The following ZNF721 variants were observed in gnomAD, a reference collection of about 807,000 sequenced individuals.
ZNF721 encodes the protein zinc finger protein 721.
ZNF721 carries 2 observed loss-of-function variants against 2.4 expected under a neutral mutation model. That is an observed-to-expected ratio of 0.82 (90% CI 0.34 to 2.58). The LOEUF (loss-of-function observed/expected upper bound fraction) is 2.58, where lower values mean the gene tolerates loss of function less well. ZNF721 is among the 30% of genes most tolerant of loss of function. The pLI is 0.11. For missense variants in ZNF721, 1,187 were observed against 1,085.5 expected, an observed-to-expected ratio of 1.09 and a Z score of -1.31; for synonymous variants, 398 against 381.8, an observed-to-expected ratio of 1.04 and a Z score of -0.50.
At chr4:473,144 A>G (rs1715491734) in intron 1 of ZNF721, among the ~76,000 whole-genome samples, 2 of 152,196 alleles carry the variant, frequency 1.3e-5, no homozygotes, top group African/African-American at 2.4e-5. Context: ...GACTGGGCTG[A>G]GAGTCACTTA....
At chr4:480,744 G>A (rs782169985) in intron 1 of ZNF721, among the ~76,000 whole-genome samples, 1 of 145,934 alleles carries the variant, frequency 6.9e-6, no homozygotes, top group Admixed American at 6.9e-5. Context: ...AGGTAGAGCC[G>A]TATTCCACTG....
In ZNF721 at chr4:451,458, A is replaced by C. The variant is rs774193847; in HGVS notation, c.35-7026T>G. 5.7e-4 allele frequency among the ~76,000 whole-genome samples: 86 copies of C among 152,188 alleles called. 1 individual carries two copies. Among genetic ancestry groups the C allele is most frequent in the Non-Finnish European group, 1.1e-3 (76 of 68,038 alleles). On this transcript the variant is annotated intron_variant, in intron 2 of 2. Transcript: ENST00000511833. ...TCATTACAAAAATAGCTAGGGTCTC[A>C]TAGCATGACGAAGCTTCATGAGACC...
chr4:477,656 T>A (rs1414841899), intron 1 of ZNF721, among the ~76,000 whole-genome samples: 1 of 151,984 alleles, frequency 6.6e-6, no homozygotes, highest in Non-Finnish European at 1.5e-5. Flanking sequence ...AGCCGATAGT[T>A]TAAAATGAGC....
intron 1 of ZNF721, among the ~76,000 whole-genome samples, chr4:485,643 T>C (rs1715874947): frequency 6.6e-6 from 1 of 152,226 alleles, no homozygotes; most frequent in Non-Finnish European, 1.5e-5. Context: ...TTGCATATTG[T>C]AATCACCTGG....
At position 475,953 on chromosome 4, in the gene ZNF721, TTGAC is replaced by T. The variant is rs1180853433; in HGVS notation, c.-93-3256_-93-3253del. ...AATTCCAGAATCCATGTGGGTGTAT[TTGAC>T]TGAGCACAATGCAACACAAACAGCA... On this transcript the variant is annotated intron_variant, in intron 1 of 2. Coordinates refer to ENST00000511833, the MANE Select transcript of ZNF721 (RefSeq NM_133474.4). Among the ~76,000 whole-genome samples the T allele has an allele frequency of 1.8e-4, 28 of 152,366 alleles. No homozygotes were observed. The South Asian group carries it at 2.5e-3, about 14-fold the overall frequency.
chr4:492,803 A>C (rs1451395696), intron 1 of ZNF721, among the ~76,000 whole-genome samples: 1 of 149,118 alleles, frequency 6.7e-6, no homozygotes, highest in Non-Finnish European at 1.5e-5. Context: ...AAAAAAAAAA[A>C]CAAAAAACCT....
intron 1 of ZNF721, among the ~76,000 whole-genome samples, chr4:495,572 T>G (rs1716130993): frequency 6.6e-6 from 1 of 151,738 alleles, no homozygotes; most frequent in South Asian, 2.1e-4. Context: ...AAAATAATCT[T>G]TGTGTGGCAA....
intron 1 of ZNF721, among the ~76,000 whole-genome samples, chr4:498,062 G>A (rs1343147542): frequency 6.6e-6 from 1 of 151,658 alleles, no homozygotes; most frequent in African/African-American, 2.4e-5. Context: ...AAAATTAGCC[G>A]TGCGTGGTGG....
intron 1 of ZNF721, among the ~76,000 whole-genome samples, chr4:473,026 C>T (rs1553868005): frequency 6.6e-6 from 1 of 152,036 alleles, no homozygotes; most frequent in East Asian, 1.9e-4. Flanking sequence ...CTTGGCCTTG[C>T]TATAATATGC....
rs1714343708 is a variant in ZNF721, at chr4:443,400, G to C, written c.1067C>G (p.Thr356Ser). ...TTCGCATTTGTAAGGTTTCTCTCCA[G>C]TATGAATTCTCCTATGTACGTAAAG... Reference protein sequence around the residue: ...ANLYVHRRIHTGEKPYKCEDC... With the variant: ...ANLYVHRRIHSGEKPYKCEDC... The change falls in exon 3 of 3, where the codon ACT (threonine) becomes AGT (serine). Residue 356 changes from threonine to serine, a missense_variant. Transcript: ENST00000511833. The C allele has an allele frequency of 1.9e-6, 3 of 1,613,052 alleles. No individual in the cohort carries two copies. The highest frequency in any genetic ancestry group is 2.5e-6 in the Non-Finnish European group (3 of 1,179,168).
At chr4:476,287 T>C (rs782724457) in intron 1 of ZNF721, among the ~76,000 whole-genome samples, 6 of 152,224 alleles carry the variant, frequency 3.9e-5, no homozygotes, top group Non-Finnish European at 8.8e-5. Context: ...TAATCACCCA[T>C]GTCTGGCTCC....
At chr4:496,335 GCA>G (rs1716152122) in intron 1 of ZNF721, among the ~76,000 whole-genome samples, 1 of 152,114 alleles carries the variant, frequency 6.6e-6, no homozygotes, top group South Asian at 2.1e-4. Context: ...TGGCCACCTG[GCA>G]CAGTGTCAGA....
In ZNF721 at chr4:451,271, C is replaced by T. The variant is rs192255299; in HGVS notation, c.35-6839G>A. Among the ~76,000 whole-genome samples the T allele has an allele frequency of 1.2e-4, 19 of 152,206 alleles. No individual in the cohort carries two copies. The East Asian group carries it at 1.4e-3, about 11-fold the overall frequency. On this transcript the variant is annotated intron_variant, in intron 2 of 2. Coordinates refer to ENST00000511833, the MANE Select transcript of ZNF721 (RefSeq NM_133474.4). ...CAAACAGGTTGTGTGAGCCCCTTGA[C>T]GTCTTCAGCCAGCACTGTTTTGAAG...
At chr4:498,427 G>A (rs1716410707) in intron 1 of ZNF721, among the ~76,000 whole-genome samples, 1 of 152,076 alleles carries the variant, frequency 6.6e-6, no homozygotes, top group Admixed American at 6.5e-5. Context: ...ATGGGAGGCA[G>A]GTTTGTCCTG....
intron 2 of ZNF721, among the ~76,000 whole-genome samples, chr4:458,041 G>T (rs1553865596): frequency 6.6e-6 from 1 of 152,222 alleles, no homozygotes; most frequent in Non-Finnish European, 1.5e-5. Flanking sequence ...CTGTGATCAA[G>T]GGTCAGTACT....
rs1375350441 is a variant in ZNF721 at position 441,336 on chromosome 4, ATG to A, written c.*357_*358del. 1 of 179,864 alleles carries A rather than the reference ATG, an allele frequency of 5.6e-6. No individual in the cohort carries two copies. Among genetic ancestry groups the A allele is most frequent in the Non-Finnish European group, 1.2e-5 (1 of 85,352 alleles). 11.1% of individuals were successfully genotyped at this position (179,864 alleles called of 1,614,324 possible). ...CATATAAATACTATCATGTGCAAAA[ATG>A]CTAAGCATTGGTTACAAGTTTTGCC... On this transcript the variant is annotated 3_prime_UTR_variant, in exon 3 of 3. Coordinates refer to ENST00000511833, the MANE Select transcript of ZNF721 (RefSeq NM_133474.4).
At chr4:457,617 A>G (rs77854049) in intron 2 of ZNF721, among the ~76,000 whole-genome samples, 1 of 152,300 alleles carries the variant, frequency 6.6e-6, no homozygotes, top group East Asian at 1.9e-4. Context: ...CCCTTTGCAC[A>G]TATCAGTCAT....
rs782713654 is a variant in ZNF721 at position 472,684 on chromosome 4, C to A, written c.-76G>T. 1.8e-5 allele frequency: 29 copies of A among 1,612,430 alleles called. No homozygotes were observed. The Admixed American group carries it at 2.5e-4, about 14-fold the overall frequency. Reference sequence around the variant, plus strand: ...CTGGAGAGAATTCTATGGCCACATCCCTGAATGTTAAGGGTTCCTGAAAAT... The same window carrying A: ...CTGGAGAGAATTCTATGGCCACATCACTGAATGTTAAGGGTTCCTGAAAAT... On this transcript the variant is annotated 5_prime_UTR_variant, in exon 2 of 3. Transcript: ENST00000511833.
At chr4:497,507 G>C (rs1553872501) in intron 1 of ZNF721, among the ~76,000 whole-genome samples, 1 of 152,128 alleles carries the variant, frequency 6.6e-6, no homozygotes, top group Non-Finnish European at 1.5e-5. Context: ...ACAGCCTCCG[G>C]AGATCCTGAC....
Sources: gnomAD v4.1 joint callset for allele counts (sites outside exome capture counted in the v4.1 genomes callset) on GRCh38, gnomAD v4.1.1 for gene constraint, MANE v1.5 for transcripts, NCBI Gene and HGNC (gene_info 2026-07-23, HGNC 2026-07-21) for gene names.